LGSN: variants seen among roughly 807,000 people sequenced by gnomAD.
The protein encoded by LGSN is lengsin, lens protein with glutamine synthetase domain.
Under a neutral mutation model 19.5 loss-of-function variants are expected in LGSN, and 21 were observed. That is an observed-to-expected ratio of 1.07 (90% CI 0.76 to 1.55). LGSN has a LOEUF of 1.55. Among genes scored for constraint, LGSN ranks in the 40% most tolerant of loss-of-function variants. The pLI is 0.00. For synonymous variants in LGSN, 257 were observed against 215.6 expected, an observed-to-expected ratio of 1.19 and a Z score of -1.68; for missense variants, 673 against 608.5, an observed-to-expected ratio of 1.11 and a Z score of -1.12.
At chr6:63,474,391 G>A in the LGSN span, among the ~76,000 whole-genome samples, 4 of 150,978 alleles carry the variant, frequency 2.6e-5, no homozygotes, top group African/African-American at 7.3e-5. Context: ...GGCGGATCAC[G>A]AGGTCAGGAG....
the LGSN span, among the ~76,000 whole-genome samples, chr6:63,331,043 C>T: frequency 1.3e-5 from 2 of 152,186 alleles, no homozygotes; most frequent in Non-Finnish European, 2.9e-5. Flanking sequence ...ATTCCCCTCC[C>T]CCTACAGCTT....
intron 2 of LGSN, among the ~76,000 whole-genome samples, chr6:63,293,384 C>T (rs919941549): frequency 6.6e-6 from 1 of 152,158 alleles, no homozygotes; most frequent in Admixed American, 6.5e-5. Flanking sequence ...AGTTACATCA[C>T]TATTAATAAG....
At chr6:63,538,044 A>G in the LGSN span, among the ~76,000 whole-genome samples, 1 of 152,254 alleles carries the variant, frequency 6.6e-6, no homozygotes, top group Non-Finnish European at 1.5e-5. Context: ...AAAGAAAGAT[A>G]AATTATCTCT....
At chr6:63,452,140 C>T in the LGSN span, among the ~76,000 whole-genome samples, 3 of 150,390 alleles carry the variant, frequency 2.0e-5, no homozygotes, top group African/African-American at 2.4e-5. Context: ...TTTTATTTTC[C>T]GGAAGAGTTT....
the LGSN span, among the ~76,000 whole-genome samples, chr6:63,355,570 G>A: frequency 6.6e-6 from 1 of 150,622 alleles, no homozygotes; most frequent in African/African-American, 2.5e-5. Flanking sequence ...GAGCCATGCT[G>A]TCTCTGAAAC....
At chr6:63,523,497 T>C in the LGSN span, among the ~76,000 whole-genome samples, 1 of 151,724 alleles carries the variant, frequency 6.6e-6, no homozygotes, top group South Asian at 2.1e-4. Flanking sequence ...GGCAACAGAG[T>C]GAGACTCCAT....
chr6:63,490,637 T>C, the LGSN span, among the ~76,000 whole-genome samples: 1 of 152,102 alleles, frequency 6.6e-6, no homozygotes, highest in Non-Finnish European at 1.5e-5. Context: ...AGTGTAGTGG[T>C]GCAACTTCAG....
At chr6:63,385,259 C>G in the LGSN span, among the ~76,000 whole-genome samples, 4 of 151,642 alleles carry the variant, frequency 2.6e-5, no homozygotes, top group African/African-American at 9.8e-5. Flanking sequence ...CATCTTACAC[C>G]TGTACAGAGA....
chr6:63,302,895 G>T (rs1473605416), intron 1 of LGSN, among the ~76,000 whole-genome samples: 1 of 152,128 alleles, frequency 6.6e-6, no homozygotes, highest in South Asian at 2.1e-4. Context: ...GGGATGCCGA[G>T]GTAGGTGGAT....
chr6:63,479,541 C>T, the LGSN span, among the ~76,000 whole-genome samples: 5 of 152,060 alleles, frequency 3.3e-5, no homozygotes, highest in African/African-American at 4.8e-5. Flanking sequence ...AGATCGAGAC[C>T]ATCCTGGCCA....
the LGSN span, among the ~76,000 whole-genome samples, chr6:63,526,833 A>ATATATTTATT: frequency 2.3e-5 from 3 of 128,056 alleles, no homozygotes; most frequent in Non-Finnish European, 4.9e-5. Context: ...ATATATATAT[A>ATATATTTATT]TATTTATTTA....
the LGSN span, among the ~76,000 whole-genome samples, chr6:63,562,207 T>C: frequency 2.0e-5 from 3 of 151,560 alleles, no homozygotes; most frequent in Non-Finnish European, 2.9e-5. Context: ...TTTTCTTTTT[T>C]TTTTTTTTTG....
At chr6:63,296,409 G>T (rs957846515) in intron 1 of LGSN, among the ~76,000 whole-genome samples, 5 of 151,450 alleles carry the variant, frequency 3.3e-5, no homozygotes, top group Non-Finnish European at 5.9e-5. Flanking sequence ...TATTGTACAT[G>T]TTCACCATGT....
At chr6:63,336,632 A>AT in the LGSN span, among the ~76,000 whole-genome samples, 58 of 143,960 alleles carry the variant, frequency 4.0e-4, no homozygotes, top group East Asian at 1.6e-3. Context: ...AAAAATAATG[A>AT]TTTTTTTTTT....
the LGSN span, among the ~76,000 whole-genome samples, chr6:63,477,402 G>C: frequency 1.3e-5 from 2 of 152,028 alleles, no homozygotes; most frequent in African/African-American, 4.8e-5. Flanking sequence ...ACTTTACAAA[G>C]TAAAAGGATG....
At chr6:63,385,142 A>T in the LGSN span, among the ~76,000 whole-genome samples, 1 of 152,256 alleles carries the variant, frequency 6.6e-6, no homozygotes, top group South Asian at 2.1e-4. Context: ...ATAGTCATTT[A>T]AAAATGACAT....
the LGSN span, among the ~76,000 whole-genome samples, chr6:63,482,309 A>T: frequency 1.3e-5 from 2 of 152,196 alleles, no homozygotes; most frequent in African/African-American, 4.8e-5. Flanking sequence ...GCAGCCAAAA[A>T]ATATTTATTG....
intron 1 of LGSN, among the ~76,000 whole-genome samples, chr6:63,299,757 G>T (rs539594567): frequency 4.3e-4 from 65 of 152,278 alleles, no homozygotes; most frequent in Admixed American, 3.2e-3. Context: ...TTTGTCAAAT[G>T]AAGCAAGTTT....
the LGSN span, among the ~76,000 whole-genome samples, chr6:63,467,020 C>T: frequency 6.6e-6 from 1 of 152,076 alleles, no homozygotes; most frequent in Non-Finnish European, 1.5e-5. Flanking sequence ...GGCTGAGTCT[C>T]ACTGAGGAGT....
Sources: allele counts gnomAD v4.1 joint callset (sites outside exome capture counted in the v4.1 genomes callset), GRCh38; gene constraint gnomAD v4.1.1; transcripts MANE v1.5; gene names NCBI Gene and HGNC (gene_info 2026-07-23, HGNC 2026-07-21).